Variants in GNG7 observed in about 807,000 individuals in gnomAD.
GNG7 encodes the protein G protein subunit gamma 7, also known as guanine nucleotide-binding protein G(I)/G(S)/G(O) subunit gamma-7.
GNG7 carries 1 observed loss-of-function variant against 4.0 expected under a neutral mutation model. The ratio of observed to expected loss-of-function variants is 0.25; its 90% CI spans 0.09 to 1.18. The LOEUF (loss-of-function observed/expected upper bound fraction) is 1.18. Among genes scored for constraint, GNG7 ranks in the 50% most tolerant of loss-of-function variants. The pLI is 0.50. For missense variants in GNG7, 86 were observed against 91.9 expected (o/e 0.94, Z 0.26); for synonymous variants, 34 against 36.9 (o/e 0.92, Z 0.29).
intron 2 of GNG7, among the ~76,000 whole-genome samples, chr19:2,623,581 G>A (rs1981936870): frequency 6.6e-6 from 1 of 152,158 alleles, no homozygotes; most frequent in East Asian, 1.9e-4. Context: ...AGAGAACCCA[G>A]ACACAAAAAA....
rs33940288 is a variant in GNG7, at chr19:2,589,371, C to CTTTTTTTT, written c.-77-34191_-77-34184dup. Among the ~76,000 whole-genome samples, 10 of 100,574 alleles carry CTTTTTTTT rather than the reference C, an allele frequency of 9.9e-5. 1 individual carries two copies. In the East Asian group the frequency reaches 1.8e-3, roughly 18 times the overall value. 66.0% of individuals were successfully genotyped at this position (100,574 alleles called of 152,430 possible). On this transcript the variant is annotated intron_variant, in intron 2 of 4. Transcript: ENST00000382159. The stretch of plus-strand genomic sequence containing the variant: ...CCAGGTAGCTGGGACTACAGGTGCA[C>CTTTTTTTT]TTTTTTTTTTTTTTTTTTTTTTTTA...
chr19:2,699,950 G>C (rs1913361062), intron 1 of GNG7, among the ~76,000 whole-genome samples: 1 of 152,148 alleles, frequency 6.6e-6, no homozygotes, highest in African/African-American at 2.4e-5. Flanking sequence ...TTGAACAGGT[G>C]CATCTGTTAC....
chr19:2,650,372 A>G (rs1300962417), intron 1 of GNG7, among the ~76,000 whole-genome samples: 1 of 151,866 alleles, frequency 6.6e-6, no homozygotes, highest in East Asian at 1.9e-4. Flanking sequence ...TATTTTTAGT[A>G]GAGACGGGGT....
chr19:2,579,077 C>T lies in GNG7; in HGVS notation c.-77-23889G>A, dbSNP rs552596860. ...CCCAAGAATGCACATGGCTCGTCTC[C>T]GGCCCTGGCAGCCCGCCCCGCCGGT... On this transcript the variant is annotated intron_variant, in intron 2 of 4. Transcript: ENST00000382159. 1.1e-4 allele frequency among the ~76,000 whole-genome samples: 16 copies of T among 152,358 alleles called. No individual in the cohort carries two copies. In the East Asian group the frequency reaches 2.7e-3, roughly 26 times the overall value.
At chr19:2,559,389 T>C (rs1421246478) in intron 2 of GNG7, among the ~76,000 whole-genome samples, 1 of 151,144 alleles carries the variant, frequency 6.6e-6, no homozygotes, top group East Asian at 1.9e-4. Context: ...TCTCGCTCTG[T>C]TGCCCAGGCT....
At chr19:2,571,414 A>G (rs1030795317) in intron 2 of GNG7, among the ~76,000 whole-genome samples, 3 of 152,090 alleles carry the variant, frequency 2.0e-5, no homozygotes, top group Admixed American at 6.6e-5. Context: ...TTCTGATTGC[A>G]GAACTGTGAA....
At chr19:2,528,602 G>A (rs994422209) in intron 3 of GNG7, among the ~76,000 whole-genome samples, 1 of 152,128 alleles carries the variant, frequency 6.6e-6, no homozygotes, top group African/African-American at 2.4e-5. Flanking sequence ...CCCACAGGGC[G>A]GGAGTCTTCC....
intron 2 of GNG7, among the ~76,000 whole-genome samples, chr19:2,635,955 G>A (rs1024935878): frequency 6.6e-6 from 1 of 152,182 alleles, no homozygotes; most frequent in Admixed American, 6.5e-5. Flanking sequence ...CACAACTGGC[G>A]GGTGCACCTG....
intron 2 of GNG7, among the ~76,000 whole-genome samples, chr19:2,604,579 A>AGGGAGCGAGGGAGGG (rs1981319107): frequency 6.9e-6 from 1 of 144,264 alleles, no homozygotes; most frequent in African/African-American, 2.6e-5. Context: ...AGAGGGAGGA[A>AGGGAGCGAGGGAGGG]AAAGAGAAAG....
chr19:2,558,376 A>G (rs1979633446), intron 2 of GNG7, among the ~76,000 whole-genome samples: 1 of 151,172 alleles, frequency 6.6e-6, no homozygotes, highest in Non-Finnish European at 1.5e-5. Context: ...AGCTGAGACT[A>G]CAGCCACATG....
chr19:2,574,665 A>C (rs576564393), intron 2 of GNG7, among the ~76,000 whole-genome samples: 1 of 152,168 alleles, frequency 6.6e-6, no homozygotes, highest in Admixed American at 6.5e-5. Flanking sequence ...GGCTGTTGGG[A>C]ATCATGCCGC....
At chr19:2,596,062 TC>T (rs1282365895) in intron 2 of GNG7, among the ~76,000 whole-genome samples, 1 of 151,542 alleles carries the variant, frequency 6.6e-6, no homozygotes, top group Non-Finnish European at 1.5e-5. Context: ...GAACTCACAA[TC>T]AAAACTAGTG....
chr19:2,574,093 C>T (rs1980234363), intron 2 of GNG7, among the ~76,000 whole-genome samples: 1 of 152,190 alleles, frequency 6.6e-6, no homozygotes, highest in African/African-American at 2.4e-5. Context: ...GCCCGTCACA[C>T]CTGGGCTGGT....
At chr19:2,538,415 G>A (rs1370536389) in intron 3 of GNG7, 1 of 384,568 alleles carries the variant, frequency 2.6e-6, no homozygotes, top group Non-Finnish European at 5.2e-6. Context: ...TTGAGGCCAG[G>A]AGTTTGAGAC....
chr19:2,581,196 C>T (rs550228764), intron 2 of GNG7, among the ~76,000 whole-genome samples: 105 of 152,130 alleles, frequency 6.9e-4, no homozygotes, highest in Non-Finnish European at 1.2e-3. Context: ...GTGCCTTCGC[C>T]GCAGGCCCAG....
Position 2,561,803 on chromosome 19 carries a change from C to T in GNG7, c.-77-6615G>A, listed in dbSNP as rs111629940. Reference sequence around the variant, plus strand: ...GGCTGAGGCAGGAGAATCGCTTGAACCTGGGAGGCAGAGGTTGCAGTGAGC... The same window carrying T: ...GGCTGAGGCAGGAGAATCGCTTGAATCTGGGAGGCAGAGGTTGCAGTGAGC... On this transcript the variant is annotated intron_variant, in intron 2 of 4. Transcript: ENST00000382159. Among the ~76,000 whole-genome samples the T allele has an allele frequency of 1.5e-3, 226 of 151,548 alleles. 4 individuals carry two copies. The highest frequency in any genetic ancestry group is 5.2e-3 in the African/African-American group (216 of 41,334).
At chr19:2,543,137 T>G (rs899170359) in intron 3 of GNG7, among the ~76,000 whole-genome samples, 5 of 151,892 alleles carry the variant, frequency 3.3e-5, no homozygotes, top group Non-Finnish European at 1.5e-5. Flanking sequence ...CAGGCTGGTC[T>G]CAAACTCCTG....
At chr19:2,567,466 C>T (rs1355906464) in intron 2 of GNG7, among the ~76,000 whole-genome samples, 1 of 152,070 alleles carries the variant, frequency 6.6e-6, no homozygotes, top group Non-Finnish European at 1.5e-5. Flanking sequence ...GCTGGGACTA[C>T]AGGTGCACAC....
intron 2 of GNG7, among the ~76,000 whole-genome samples, chr19:2,567,731 G>C (rs569972312): frequency 6.6e-6 from 1 of 152,260 alleles, no homozygotes; most frequent in South Asian, 2.1e-4. Flanking sequence ...GCCGAAAACA[G>C]CAACCCTCTG....
Sources: gnomAD v4.1 joint callset for allele counts (sites outside exome capture counted in the v4.1 genomes callset) on GRCh38, gnomAD v4.1.1 for gene constraint, MANE v1.5 for transcripts, NCBI Gene and HGNC (gene_info 2026-07-23, HGNC 2026-07-21) for gene names.